SCAPER: variants seen among roughly 807,000 people sequenced by gnomAD.
SCAPER encodes the protein S-phase cyclin A associated protein in the ER.
Under a neutral mutation model 182.2 loss-of-function variants are expected in SCAPER, and 98 were observed. The observed-to-expected ratio is 0.54, with a 90% CI of 0.46 to 0.64. SCAPER has a LOEUF of 0.64. SCAPER is among the 30% of genes least tolerant of loss of function. SCAPER has a pLI of 0.00. For missense variants in SCAPER, 1,432 were observed against 1,690.0 expected, an observed-to-expected ratio of 0.85 and a Z score of 2.68; for synonymous variants, 605 against 564.6, an observed-to-expected ratio of 1.07 and a Z score of -1.01.
intron 15 of SCAPER, among the ~76,000 whole-genome samples, chr15:76,747,777 G>A (rs1288584547): frequency 6.6e-6 from 1 of 152,054 alleles, no homozygotes; most frequent in Non-Finnish European, 1.5e-5. Context: ...TCTGCCATCA[G>A]TGAAGTCAGC....
intron 29 of SCAPER, among the ~76,000 whole-genome samples, chr15:76,366,211 A>C (rs1002187828): frequency 1.3e-5 from 2 of 152,178 alleles, no homozygotes; most frequent in African/African-American, 4.8e-5. Flanking sequence ...GCATTTAATA[A>C]TGCCTTAAAA....
intron 25 of SCAPER, among the ~76,000 whole-genome samples, chr15:76,446,495 A>C (rs2048009559): frequency 6.6e-6 from 1 of 152,214 alleles, no homozygotes; most frequent in Admixed American, 6.5e-5. Context: ...GAAGTTTTAG[A>C]GGTAGAGCTT....
At chr15:76,793,255 T>G (rs1299569401) in intron 8 of SCAPER, 10 of 1,055,776 alleles carry the variant, frequency 9.5e-6, no homozygotes, top group Non-Finnish European at 1.4e-5. Flanking sequence ...AAAATATATA[T>G]TTGGTCTTCA....
chr15:76,682,219 C>T (rs1324497577), intron 20 of SCAPER, among the ~76,000 whole-genome samples: 1 of 152,088 alleles, frequency 6.6e-6, no homozygotes, highest in Non-Finnish European at 1.5e-5. Context: ...GGCCACATAC[C>T]CACATCTGTG....
chr15:76,542,241 G>A (rs1343036195), intron 23 of SCAPER, among the ~76,000 whole-genome samples: 3 of 152,130 alleles, frequency 2.0e-5, no homozygotes, highest in African/African-American at 7.2e-5. Context: ...CCACAACTCT[G>A]GCTGGGGGCA....
intron 24 of SCAPER, among the ~76,000 whole-genome samples, chr15:76,495,987 GAGAGAGACAC>G (rs1463429764): frequency 5.9e-5 from 1 of 16,848 alleles, no homozygotes; most frequent in African/African-American, 1.3e-4. Flanking sequence ...GAAAGCAAAA[GAGAGAGACAC>G]ACACACACAC....
At chr15:76,823,827 T>C (rs1194254968) in intron 5 of SCAPER, among the ~76,000 whole-genome samples, 1 of 152,078 alleles carries the variant, frequency 6.6e-6, no homozygotes, top group Non-Finnish European at 1.5e-5. Context: ...TTCATTTGAC[T>C]TAAATCACCT....
intron 29 of SCAPER, among the ~76,000 whole-genome samples, chr15:76,358,090 A>T (rs575872113): frequency 3.9e-5 from 6 of 152,360 alleles, no homozygotes; most frequent in Non-Finnish European, 7.4e-5. Context: ...GTTTATTTTT[A>T]AAAAAGATGG....
chr15:76,746,897 T>C (rs935223222), intron 15 of SCAPER, among the ~76,000 whole-genome samples: 6 of 152,176 alleles, frequency 3.9e-5, no homozygotes, highest in Admixed American at 3.3e-4. Flanking sequence ...TCCACGTTCA[T>C]AAATGAGAAG....
chr15:76,383,917 T>C (rs932967912), intron 27 of SCAPER, among the ~76,000 whole-genome samples: 1 of 152,238 alleles, frequency 6.6e-6, no homozygotes, highest in Non-Finnish European at 1.5e-5. Flanking sequence ...TTTTGTCTCA[T>C]AGTACTCAAT....
At position 76,765,630 on chromosome 15, in the gene SCAPER, C is replaced by T. The variant is rs1378114597; in HGVS notation, c.1428G>A (p.Met476Ile). Reference protein sequence around the residue: ...TDNDSDFSASMGSGSVSFCGM... With the variant: ...TDNDSDFSASIGSGSVSFCGM... ...CACAGAAAGAAACACTCCCACTGCC[C>T]ATGCTGGCCTAAAATGTAATAAGGG... Residue 476 changes from methionine to isoleucine, a missense_variant, in exon 12 of 32, where the codon ATG (methionine) becomes ATA (isoleucine). Met to Ile is a conservative substitution (Grantham distance 10, BLOSUM62 1). Coordinates refer to ENST00000563290, the MANE Select transcript of SCAPER (RefSeq NM_020843.4). 6.3e-7 allele frequency: 1 copy of T among 1,577,408 alleles called. No homozygotes were observed. The highest frequency in any genetic ancestry group is 8.6e-7 in the Non-Finnish European group (1 of 1,160,318).
chr15:76,511,843 A>ATATGTG (rs151255382), intron 23 of SCAPER, among the ~76,000 whole-genome samples: 67 of 123,292 alleles, frequency 5.4e-4, no homozygotes, highest in South Asian at 3.8e-3. Flanking sequence ...ATATATATAT[A>ATATGTG]TGTGTGTGTG....
intron 29 of SCAPER, among the ~76,000 whole-genome samples, chr15:76,360,385 G>A (rs763581032): frequency 3.3e-5 from 5 of 152,232 alleles, no homozygotes; most frequent in African/African-American, 1.2e-4. Flanking sequence ...TGCTCAGAAA[G>A]TTCAAGAGAG....
rs532562402 is a variant in SCAPER, at chr15:76,518,144, G to A, written c.2839-13170C>T. Among the ~76,000 whole-genome samples, 117 of 152,214 alleles carry A rather than the reference G, an allele frequency of 7.7e-4. 1 individual carries two copies. Among genetic ancestry groups the A allele is most frequent in the African/African-American group, 2.7e-3 (113 of 41,536 alleles). On this transcript the variant is annotated intron_variant, in intron 23 of 31. Transcript: ENST00000563290. ...GTGGCAGGAAATGTGGGAAAATGTGGGACCAGGGTTAGAAAAGACTCCAGG... is the reference window on the plus strand; with the variant it reads ...GTGGCAGGAAATGTGGGAAAATGTGAGACCAGGGTTAGAAAAGACTCCAGG...
intron 20 of SCAPER, among the ~76,000 whole-genome samples, chr15:76,698,172 G>C (rs1395488584): frequency 6.6e-6 from 1 of 151,764 alleles, no homozygotes; most frequent in South Asian, 2.1e-4. Context: ...AAAATTATTT[G>C]AGGCAAACTA....
intron 17 of SCAPER, 54 bp downstream of exon 17, chr15:76,728,541 C>A (rs1413189648): frequency 3.7e-6 from 6 of 1,607,854 alleles, no homozygotes; most frequent in Non-Finnish European, 5.1e-6. Flanking sequence ...TTTAAGACCT[C>A]AACTTGAATA....
intron 25 of SCAPER, among the ~76,000 whole-genome samples, chr15:76,461,076 T>A (rs964934060): frequency 7.2e-5 from 11 of 152,184 alleles, no homozygotes; most frequent in Non-Finnish European, 1.5e-4. Context: ...AGTCTTTATA[T>A]TTGAAATAGC....
rs546114590 is a variant in SCAPER, at chr15:76,441,495, T to C, written c.3079-7185A>G. Reference sequence around the variant, plus strand: ...ATCTCATTTCCTGCAAACTAAAAGCTCCAAACCTCATGATGCCCAAGGAAG... The same window carrying C: ...ATCTCATTTCCTGCAAACTAAAAGCCCCAAACCTCATGATGCCCAAGGAAG... On this transcript the variant is annotated intron_variant, in intron 25 of 31. Transcript: ENST00000563290. 8.7e-4 allele frequency among the ~76,000 whole-genome samples: 132 copies of C among 152,228 alleles called. 1 individual carries two copies. Among genetic ancestry groups the C allele is most frequent in the Middle Eastern group, 3.4e-3 (1 of 294 alleles).
At chr15:76,509,633 AAAT>A (rs1274616343) in intron 23 of SCAPER, among the ~76,000 whole-genome samples, 1 of 152,216 alleles carries the variant, frequency 6.6e-6, no homozygotes. Flanking sequence ...AATAGTGTGA[AAAT>A]AACCACATTG....
Sources: allele counts gnomAD v4.1 joint callset (sites outside exome capture counted in the v4.1 genomes callset), GRCh38; gene constraint gnomAD v4.1.1; transcripts MANE v1.5; gene names NCBI Gene and HGNC (gene_info 2026-07-23, HGNC 2026-07-21).